The following NPM1 variants were observed in gnomAD, a reference collection of about 807,000 sequenced individuals.
NPM1 encodes nucleophosmin.
NPM1 carries 1 observed loss-of-function variant against 44.1 expected under a neutral mutation model. The ratio of observed to expected loss-of-function variants is 0.02; its 90% CI spans 0.01 to 0.11. NPM1 has a LOEUF of 0.11. NPM1 is among the 10% of genes least tolerant of loss of function. The pLI is 1.00. For missense variants in NPM1, 197 were observed against 347.8 expected (o/e 0.57, Z 3.45); for synonymous variants, 126 against 111.8 (o/e 1.13, Z -0.80).
intron 6 of NPM1, among the ~76,000 whole-genome samples, chr5:171,394,498 T>TA (rs1770772012): frequency 6.6e-6 from 1 of 152,220 alleles, no homozygotes; most frequent in African/African-American, 2.4e-5. Context: ...GATGGTGTTT[T>TA]ACCATGCTAC....
At chr5:171,395,563 C>T (rs952031198) in intron 6 of NPM1, among the ~76,000 whole-genome samples, 1 of 151,982 alleles carries the variant, frequency 6.6e-6, no homozygotes, top group Non-Finnish European at 1.5e-5. Context: ...CACCATGCAC[C>T]GCCGCAAGTT....
intron 9 of NPM1, 149 bp from the exon 10 acceptor site, chr5:171,407,551 G>C (rs1470468527): frequency 3.1e-6 from 2 of 646,368 alleles, no homozygotes; most frequent in Non-Finnish European, 2.7e-6. Context: ...TTCTGGCCCT[G>C]AAAAAGATAC....
chr5:171,388,559 C>A (rs957168670), intron 1 of NPM1, among the ~76,000 whole-genome samples: 1 of 143,202 alleles, frequency 7.0e-6, no homozygotes, highest in African/African-American at 2.6e-5. Context: ...GTGAGGAGGC[C>A]GCAACCGCTG....
intron 8 of NPM1, among the ~76,000 whole-genome samples, chr5:171,401,918 A>C (rs984881867): frequency 2.0e-5 from 3 of 152,066 alleles, no homozygotes; most frequent in Non-Finnish European, 4.4e-5. Context: ...ATGGAATTTA[A>C]AGGAAAAAAA....
At chr5:171,405,964 T>G (rs1771539108) in intron 9 of NPM1, among the ~76,000 whole-genome samples, 1 of 152,170 alleles carries the variant, frequency 6.6e-6, no homozygotes, top group African/African-American at 2.4e-5. Flanking sequence ...CCTTTTGTCT[T>G]AAATAATGGA....
In NPM1 at chr5:171,401,193, A is replaced by C. The variant is rs1771178950; in HGVS notation, c.669+268A>C. 2.0e-5 allele frequency among the ~76,000 whole-genome samples: 3 copies of C among 152,150 alleles called. No homozygotes were observed. The South Asian group carries it at 6.2e-4, about 32-fold the overall frequency. On this transcript the variant is annotated intron_variant, in intron 8 of 10. Transcript: ENST00000296930. Reference sequence around the variant, plus strand: ...GCCAACATCGTGAAACCCTGTCTTTACTAAAAACACAAAAATTAGCCAGGC... The same window carrying C: ...GCCAACATCGTGAAACCCTGTCTTTCCTAAAAACACAAAAATTAGCCAGGC...
intron 1 of NPM1, 63 bp from the exon 2 acceptor site, chr5:171,389,988 C>G (rs772849971): frequency 9.1e-6 from 9 of 990,634 alleles, no homozygotes; most frequent in African/African-American, 1.6e-5. Flanking sequence ...TTTTTGGTTA[C>G]CCACACTTAA....
At chr5:171,391,926 G>T in intron 4 of NPM1, 127 bp downstream of exon 4, 4 of 442,736 alleles carry the variant, frequency 9.0e-6, no homozygotes, top group Non-Finnish European at 1.6e-5. Flanking sequence ...TGTGAGTCTA[G>T]AAATTGGAGA....
intron 10 of NPM1, among the ~76,000 whole-genome samples, chr5:171,408,337 T>C (rs1771669628): frequency 6.6e-6 from 1 of 152,198 alleles, no homozygotes; most frequent in African/African-American, 2.4e-5. Context: ...TTTTTGCTCT[T>C]ATTTACAGTT....
chr5:171,391,549 G>A (rs1040988934), intron 3 of NPM1, 125 bp downstream of exon 3: 5 of 1,286,658 alleles, frequency 3.9e-6, no homozygotes, highest in African/African-American at 3.0e-5. Flanking sequence ...ACTGGAGTTC[G>A]ATGGTCAACT....
upstream of NPM1, among the ~76,000 whole-genome samples, chr5:171,387,410 G>A (rs1388195759): frequency 6.6e-6 from 1 of 152,198 alleles, no homozygotes; most frequent in Non-Finnish European, 1.5e-5. Context: ...CTAGGGGATG[G>A]GGAAAGGTGA....
At chr5:171,405,042 A>G (rs1039528329) in intron 8 of NPM1, among the ~76,000 whole-genome samples, 25 of 152,090 alleles carry the variant, frequency 1.6e-4, no homozygotes, top group African/African-American at 5.8e-4. Flanking sequence ...GGCTTAAGCA[A>G]TCCTCCTGCC....
At chr5:171,404,936 C>T (rs1350225059) in intron 8 of NPM1, among the ~76,000 whole-genome samples, 1 of 151,926 alleles carries the variant, frequency 6.6e-6, no homozygotes, top group East Asian at 1.9e-4. Flanking sequence ...TCCCAAGTTA[C>T]TCTTTTTTTT....
chr5:171,403,649 ACCTC>A (rs1195958355), intron 8 of NPM1, among the ~76,000 whole-genome samples: 1 of 101,200 alleles, frequency 9.9e-6, no homozygotes, highest in African/African-American at 3.9e-5. Flanking sequence ...GACCCCCCCC[ACCTC>A]CCTCCCGGAC....
intron 8 of NPM1, among the ~76,000 whole-genome samples, chr5:171,404,207 A>G (rs1482222263): frequency 2.1e-5 from 2 of 96,164 alleles, no homozygotes; most frequent in East Asian, 4.3e-4. Context: ...TCCCTCCCAG[A>G]TAGGGCGGCT....
chr5:171,406,082 T>C (rs1279150477), intron 9 of NPM1, among the ~76,000 whole-genome samples: 1 of 152,186 alleles, frequency 6.6e-6, no homozygotes, highest in Non-Finnish European at 1.5e-5. Context: ...GAAGCTTTAA[T>C]TCTATGAATA....
chr5:171,387,398 C>G (rs570726053), upstream of NPM1, among the ~76,000 whole-genome samples: 1 of 152,134 alleles, frequency 6.6e-6, no homozygotes, highest in Non-Finnish European at 1.5e-5. Context: ...GCTTGCAGGG[C>G]ACTAGGGGAT....
At chr5:171,403,493 T>G (rs1195493735) in intron 8 of NPM1, among the ~76,000 whole-genome samples, 1 of 121,928 alleles carries the variant, frequency 8.2e-6, no homozygotes, top group Non-Finnish European at 1.8e-5. Flanking sequence ...GCCATCGTCA[T>G]CCTGGCCCGT....
At chr5:171,388,603 A>C (rs1033424319) in intron 1 of NPM1, among the ~76,000 whole-genome samples, 2 of 13,956 alleles carry the variant, frequency 1.4e-4, no homozygotes, top group South Asian at 1.5e-3. Flanking sequence ...TGGGGGAGGG[A>C]GGGGGGTGTG....
Sources: gnomAD v4.1 joint callset for allele counts (sites outside exome capture counted in the v4.1 genomes callset) on GRCh38, gnomAD v4.1.1 for gene constraint, MANE v1.5 for transcripts, NCBI Gene and HGNC (gene_info 2026-07-23, HGNC 2026-07-21) for gene names.